Variants in MCTP2 observed in about 807,000 individuals in gnomAD.
MCTP2 encodes the protein multiple C2 and transmembrane domain containing 2.
MCTP2 carries 132 observed loss-of-function variants against 111.6 expected under a neutral mutation model. That is an observed-to-expected ratio of 1.18 (90% CI 1.03 to 1.37). The LOEUF (loss-of-function observed/expected upper bound fraction) is 1.37, where lower values mean the gene tolerates loss of function less well. MCTP2 is among the 40% of genes most tolerant of loss of function. The probability of loss-of-function intolerance (pLI) is 0.00; values close to 1 mark genes in which losing one functional copy is unlikely to be tolerated. For missense variants in MCTP2, 1,183 were observed against 1,067.9 expected (o/e 1.11, Z -1.50); for synonymous variants, 395 against 387.7 (o/e 1.02, Z -0.22).
rs79576270 is a variant in MCTP2, at chr15:94,384,321, T to C, written c.1685+197T>C. ...AGACCATTTGGAACTGCAAGGGACTTTTATAGGAGGCATTTGTAAAGTAGA... is the reference window on the plus strand; with the variant it reads ...AGACCATTTGGAACTGCAAGGGACTCTTATAGGAGGCATTTGTAAAGTAGA... On this transcript the variant is annotated intron_variant, in intron 13 of 22. Coordinates refer to ENST00000357742, the MANE Select transcript of MCTP2 (RefSeq NM_001385001.1). Among the ~76,000 whole-genome samples, 424 of 152,298 alleles carry C rather than the reference T, an allele frequency of 2.8e-3. 3 individuals are homozygous for C. The highest frequency in any genetic ancestry group is 0.01 in the Middle Eastern group (3 of 294).
At chr15:94,390,314 C>T (rs1392550645) in intron 14 of MCTP2, among the ~76,000 whole-genome samples, 1 of 151,738 alleles carries the variant, frequency 6.6e-6, no homozygotes, top group African/African-American at 2.4e-5. Flanking sequence ...AATCTGAAGA[C>T]TTCTAATATT....
intron 1 of MCTP2, among the ~76,000 whole-genome samples, chr15:94,283,533 T>C (rs1212192650): frequency 2.0e-5 from 3 of 152,156 alleles, no homozygotes; most frequent in Non-Finnish European, 4.4e-5. Context: ...AGGTCTATGG[T>C]GAAAGTGGAC....
intron 4 of MCTP2, among the ~76,000 whole-genome samples, chr15:94,318,500 C>G (rs2076482608): frequency 1.3e-5 from 2 of 152,174 alleles, no homozygotes; most frequent in South Asian, 4.2e-4. Context: ...GTCTCAAACT[C>G]CTGACCTTGT....
At chr15:94,430,445 T>A (rs1336746592) in intron 17 of MCTP2, among the ~76,000 whole-genome samples, 7 of 116,760 alleles carry the variant, frequency 6.0e-5, no homozygotes, top group Admixed American at 5.3e-4. Context: ...ACACACACAC[T>A]GGAAGGCTGG....
At chr15:94,446,793 A>C (rs1019782335) in intron 19 of MCTP2, among the ~76,000 whole-genome samples, 4 of 152,250 alleles carry the variant, frequency 2.6e-5, no homozygotes, top group African/African-American at 9.6e-5. Context: ...AGGTTGTCAG[A>C]AACAGGACTT....
intron 17 of MCTP2, among the ~76,000 whole-genome samples, chr15:94,426,123 A>G (rs1567682074): frequency 1.7e-5 from 2 of 120,270 alleles, no homozygotes; most frequent in East Asian, 4.9e-4. Flanking sequence ...GAGATGCCAG[A>G]GAGAGAGAGA....
intron 2 of MCTP2, among the ~76,000 whole-genome samples, chr15:94,301,098 AT>A (rs1227275295): frequency 6.6e-6 from 1 of 152,092 alleles, no homozygotes; most frequent in Admixed American, 6.6e-5. Flanking sequence ...TAACGCAACC[AT>A]TTTTTTAACC....
Position 94,386,494 on chromosome 15 carries a change from C to T in MCTP2, c.1788+969C>T, listed in dbSNP as rs147045183. ...GTGTTTGTGCACTTGGATAATTTCTCCCCGAGTTCTCATATCCCTGATGTT... is the reference window on the plus strand; with the variant it reads ...GTGTTTGTGCACTTGGATAATTTCTTCCCGAGTTCTCATATCCCTGATGTT... On this transcript the variant is annotated intron_variant, in intron 14 of 22. Transcript: ENST00000357742. 2.8e-3 allele frequency among the ~76,000 whole-genome samples: 424 copies of T among 152,322 alleles called. 2 individuals carry two copies. Among genetic ancestry groups the T allele is most frequent in the Non-Finnish European group, 4.9e-3 (330 of 68,032 alleles).
At chr15:94,257,236 T>A (rs969218681) in intron 1 of MCTP2, among the ~76,000 whole-genome samples, 4 of 152,130 alleles carry the variant, frequency 2.6e-5, no homozygotes, top group Admixed American at 6.5e-5. Flanking sequence ...TCATCCTCTG[T>A]GGGATGGCTT....
chr15:94,302,580 C>G (rs898570639), intron 2 of MCTP2, among the ~76,000 whole-genome samples: 1 of 152,038 alleles, frequency 6.6e-6, no homozygotes, highest in African/African-American at 2.4e-5. Context: ...GCCAGACTCT[C>G]TCTTGAGCTC....
chr15:94,475,959 C>T (rs2074313581), intron 21 of MCTP2, among the ~76,000 whole-genome samples: 1 of 152,190 alleles, frequency 6.6e-6, no homozygotes, highest in African/African-American at 2.4e-5. Flanking sequence ...AGCATGTTCT[C>T]CATTGCCCAG....
chr15:94,343,809 T>A (rs1042851539), intron 7 of MCTP2: 3 of 152,182 alleles, frequency 2.0e-5, no homozygotes. Context: ...TTGTGAAGAT[T>A]GAAATTATCA....
At chr15:94,348,257 T>G (rs2078095621) in intron 8 of MCTP2, among the ~76,000 whole-genome samples, 1 of 151,310 alleles carries the variant, frequency 6.6e-6, no homozygotes, top group Non-Finnish European at 1.5e-5. Context: ...CTCTAGGCAC[T>G]CCTATCAGCT....
intron 17 of MCTP2, among the ~76,000 whole-genome samples, chr15:94,415,186 CCT>C (rs2082318197): frequency 6.6e-6 from 1 of 151,972 alleles, no homozygotes; most frequent in African/African-American, 2.4e-5. Flanking sequence ...GATTACACTC[CCT>C]CTCTAATTGC....
At chr15:94,443,312 T>C (rs937869010) in intron 19 of MCTP2, among the ~76,000 whole-genome samples, 6 of 152,208 alleles carry the variant, frequency 3.9e-5, no homozygotes, top group Admixed American at 2.6e-4. Context: ...TAGGCTCATG[T>C]CTGCACTCTG....
intron 16 of MCTP2, among the ~76,000 whole-genome samples, chr15:94,400,608 T>C (rs1435861342): frequency 2.6e-5 from 4 of 151,910 alleles, no homozygotes; most frequent in Admixed American, 1.3e-4. Flanking sequence ...TCACTTTTTT[T>C]TTTTTTTTTT....
At chr15:94,460,182 T>A (rs2085097363) in intron 20 of MCTP2, among the ~76,000 whole-genome samples, 1 of 152,102 alleles carries the variant, frequency 6.6e-6, no homozygotes, top group Non-Finnish European at 1.5e-5. Flanking sequence ...CTGGGAGAGA[T>A]CTGATCAGCC....
rs2078613422 is a variant in MCTP2 at position 94,356,186 on chromosome 15, A to G, written c.1055A>G (p.Gln352Arg). 4.3e-6 allele frequency: 7 copies of G among 1,613,086 alleles called. No homozygotes were observed. Among genetic ancestry groups the G allele is most frequent in the Non-Finnish European group, 5.9e-6 (7 of 1,179,498 alleles). Residue 352 changes from glutamine (Q) to arginine (R), a missense_variant, in exon 9 of 23, where the codon CAA becomes CGA. Physicochemically the swap from Gln to Arg is conservative, Grantham distance 43. Coordinates refer to ENST00000357742, the MANE Select transcript of MCTP2 (RefSeq NM_001385001.1). ...CTCTCTGAGTCCTTGAAAAAGAACC[A>G]ACTCTGGAACGGGATTATAAGTATA... is the stretch of plus-strand genomic sequence containing the variant. Reference protein sequence around the residue: ...LRLSESLKKNQLWNGIISITL... With the variant: ...LRLSESLKKNRLWNGIISITL...
chr15:94,246,907 T>C (rs1218934320), intron 1 of MCTP2, among the ~76,000 whole-genome samples: 2 of 152,214 alleles, frequency 1.3e-5, no homozygotes, highest in African/African-American at 2.4e-5. Context: ...GATGCTACTG[T>C]AATGGAATGC....
Sources: allele counts gnomAD v4.1 joint callset (sites outside exome capture counted in the v4.1 genomes callset), GRCh38; gene constraint gnomAD v4.1.1; transcripts MANE v1.5; gene names NCBI Gene and HGNC (gene_info 2026-07-23, HGNC 2026-07-21).